Variants in KCNH4 observed in about 807,000 individuals in gnomAD.
KCNH4 encodes potassium voltage-gated channel subfamily H member 4, also known as voltage-gated delayed rectifier potassium channel KCNH4.
KCNH4 carries 33 observed loss-of-function variants against 90.7 expected under a neutral mutation model. The ratio of observed to expected loss-of-function variants is 0.36; its 90% CI spans 0.28 to 0.49. KCNH4 has a LOEUF of 0.49. Among genes scored for constraint, KCNH4 ranks in the 20% least tolerant of loss-of-function variants. The pLI, the probability that KCNH4 is intolerant of heterozygous loss-of-function variation, is 0.98. For synonymous variants in KCNH4, 551 were observed against 581.7 expected (o/e 0.95, Z 0.76); for missense variants, 1,044 against 1,387.1 (o/e 0.75, Z 3.93).
chr17:42,169,518 G>C lies in KCNH4; in HGVS notation c.1549C>G (p.Gln517Glu). The change falls in exon 9 of 17, where the codon CAG becomes GAG. Residue 517 changes from glutamine (Q) to glutamate (E), a missense_variant. Transcript: ENST00000264661. ...CCGCTGTTGACGGCCCACGTGGTCT[G>C]GAAGTATTCGAGCATGCGCTGCTTG... is the stretch of plus-strand genomic sequence containing the variant. ...PLKQRMLEYF[Q>E]TTWAVNSGID... 6.2e-7 allele frequency: 1 copy of C among 1,613,372 alleles called. No homozygotes were observed. The highest frequency in any genetic ancestry group is 8.5e-7 in the Non-Finnish European group (1 of 1,180,022).
chr17:42,173,390 C>T (rs988322189), intron 6 of KCNH4, among the ~76,000 whole-genome samples: 3 of 152,160 alleles, frequency 2.0e-5, no homozygotes, highest in African/African-American at 7.2e-5. Flanking sequence ...AATGCCTACC[C>T]CCAGCTCCCA....
At chr17:42,169,798 G>A in intron 8 of KCNH4, 122 bp from the exon 9 acceptor site, 2 of 974,404 alleles carry the variant, frequency 2.1e-6, no homozygotes, top group Non-Finnish European at 3.1e-6. Context: ...CAGGTGCCAG[G>A]CACTAGACTA....
Position 42,163,625 on chromosome 17 carries a change from G to A in KCNH4, c.2458C>T (p.Pro820Ser). 2 of 1,490,248 alleles carry A rather than the reference G, an allele frequency of 1.3e-6. No individual in the cohort carries two copies. The highest frequency in any genetic ancestry group is 1.8e-6 in the Non-Finnish European group (2 of 1,111,610). 92.3% of individuals were successfully genotyped at this position (1,490,248 alleles called of 1,614,324 possible). The change falls in exon 13 of 17, where the codon CCT becomes TCT. Residue 820 changes from proline to serine, a missense_variant. Pro to Ser is a moderately conservative substitution (Grantham distance 74). This residue lies in a region of KCNH4 where 441 missense variants were observed against 512.3 expected (regional missense o/e 0.86). Coordinates refer to ENST00000264661, the MANE Select transcript of KCNH4 (RefSeq NM_012285.3). The surrounding 1 kb of genome is among the most constrained non-coding windows in gnomAD (Gnocchi z 5.4). ...LLIPPLGTFGPPDLSPRIVDG... is the reference protein window; with the variant it reads ...LLIPPLGTFGSPDLSPRIVDG... Reference sequence around the variant, plus strand: ...TCTCACCGGGGACTGAGGTCCGGAGGTCCAAAGGTTCCCAGTGGGGGAATG... The same window carrying A: ...TCTCACCGGGGACTGAGGTCCGGAGATCCAAAGGTTCCCAGTGGGGGAATG...
chr17:42,162,419 G>C, intron 14 of KCNH4, 98 bp from the exon 15 acceptor site: 1 of 1,016,286 alleles, frequency 9.8e-7, no homozygotes, highest in South Asian at 1.4e-5. Flanking sequence ...GCGGAGAGCA[G>C]GGGGAGACAA....
At chr17:42,179,072 C>G (rs1398289108) in intron 1 of KCNH4, 46 bp from the exon 2 acceptor site, 2 of 1,469,480 alleles carry the variant, frequency 1.4e-6, no homozygotes, top group Non-Finnish European at 9.5e-7. Flanking sequence ...GGGAGGCGAG[C>G]TAGCTTCCAG....
At position 42,178,131 on chromosome 17, in the gene KCNH4, CGGCCAAAGT is replaced by C. The variant is rs778880476; in HGVS notation, c.545_553del (p.His182_Gly184del). On this transcript the variant is annotated inframe_deletion, in exon 4 of 17. Coordinates refer to ENST00000264661, the MANE Select transcript of KCNH4 (RefSeq NM_012285.3). ...GGCCTTCATGCCTCCCTGGCCCCGG[CGGCCAAAGT>C]GGCCGGTCAGTCGGTGTAGGACAGT... is the stretch of plus-strand genomic sequence containing the variant. 8 of 1,614,008 alleles carry C rather than the reference CGGCCAAAGT, an allele frequency of 5.0e-6. No homozygotes were observed. In the African/African-American group the frequency reaches 1.1e-4, roughly 22 times the overall value.
intron 6 of KCNH4, among the ~76,000 whole-genome samples, chr17:42,175,014 C>T (rs2079851927): frequency 6.6e-6 from 1 of 152,202 alleles, no homozygotes; most frequent in Admixed American, 6.5e-5. Context: ...TTTTGCTTCC[C>T]AGGTGCTGGC....
intron 9 of KCNH4, among the ~76,000 whole-genome samples, chr17:42,167,005 C>T (rs2079792997): frequency 6.6e-6 from 1 of 152,176 alleles, no homozygotes; most frequent in Non-Finnish European, 1.5e-5. Context: ...CTTATGGCCA[C>T]ACTGCATGTT....
At chr17:42,179,114 A>G in intron 1 of KCNH4, 88 bp from the exon 2 acceptor site, 1 of 911,672 alleles carries the variant, frequency 1.1e-6, no homozygotes, top group Non-Finnish European at 1.7e-6. Flanking sequence ...TTGGGGTTAG[A>G]AGTCACAGAG....
chr17:42,157,681 C>T (rs2079718587), intron 16 of KCNH4, among the ~76,000 whole-genome samples: 1 of 150,764 alleles, frequency 6.6e-6, no homozygotes, highest in Non-Finnish European at 1.5e-5. Flanking sequence ...GATCACTGCT[C>T]ACTGCAGCCT....
intron 2 of KCNH4, 42 bp from the exon 3 acceptor site, chr17:42,178,519 C>A (rs1333057569): frequency 1.2e-6 from 2 of 1,607,240 alleles, no homozygotes; most frequent in East Asian, 2.2e-5. Context: ...ATGGGCAGCC[C>A]CATGGCATGC....
chr17:42,163,955 G>A lies in KCNH4; in HGVS notation c.2128C>T (p.Arg710Cys), dbSNP rs1239358145. Reference sequence around the variant, plus strand: ...GAGGAGGAGCCGAGGCTTTCTGAGCGGGGCTGCGGGCAGAGGGGGCAGCTG... The same window carrying A: ...GAGGAGGAGCCGAGGCTTTCTGAGCAGGGCTGCGGGCAGAGGGGGCAGCTG... ...FSRSPRLSQPRSESLGSSSDK... is the reference protein window; with the variant it reads ...FSRSPRLSQPCSESLGSSSDK... Residue 710 changes from arginine to cysteine, a missense_variant, in exon 13 of 17, where the codon CGC becomes TGC. Arg to Cys is a radical substitution (Grantham distance 180). Coordinates refer to ENST00000264661, the MANE Select transcript of KCNH4 (RefSeq NM_012285.3). This position sits in a 1 kb window ranked among gnomAD's most constrained non-coding sequence, Gnocchi z 5.4. 33 of 1,535,564 alleles carry A rather than the reference G, an allele frequency of 2.1e-5. No individual in the cohort carries two copies. In the Admixed American group the frequency reaches 2.7e-4, roughly 12 times the overall value.
chr17:42,175,556 A>G, intron 6 of KCNH4, 23 bp downstream of exon 6: 1 of 1,613,960 alleles, frequency 6.2e-7, no homozygotes, highest in Non-Finnish European at 8.5e-7. Context: ...GTTGGACTGG[A>G]TGGCGGGATG....
Position 42,180,812 on chromosome 17 carries a change from C to T in KCNH4, c.76+58G>A. ...ACCATGTCCAGGAGATCCGAGACGG[C>T]CCCGAGGATACTTGCCCCCCAGCTC... On this transcript the variant is annotated intron_variant, in intron 1 of 16. Transcript: ENST00000264661. This position sits in a 1 kb window ranked among gnomAD's most constrained non-coding sequence, Gnocchi z 4.7. The T allele has an allele frequency of 6.5e-7, 1 of 1,534,194 alleles. No individual in the cohort carries two copies. The highest frequency in any genetic ancestry group is 2.3e-5 in the East Asian group (1 of 44,298).
chr17:42,157,997 C>T (rs916862507), intron 16 of KCNH4, among the ~76,000 whole-genome samples: 5 of 152,008 alleles, frequency 3.3e-5, no homozygotes, highest in Admixed American at 6.5e-5. Flanking sequence ...GGCACGATCT[C>T]GGCTCACTGC....
At chr17:42,160,559 G>A in intron 15 of KCNH4, 124 bp from the exon 16 acceptor site, 1 of 994,222 alleles carries the variant, frequency 1.0e-6, no homozygotes, top group South Asian at 1.8e-5. Context: ...GAAAAAGGCA[G>A]GATGAGGGTT....
chr17:42,165,796 A>AT, intron 10 of KCNH4, 103 bp from the exon 11 acceptor site: 1 of 1,410,874 alleles, frequency 7.1e-7, no homozygotes, highest in Non-Finnish European at 9.9e-7. Context: ...TGTTTGAAGG[A>AT]TGGTTGAAGG....
chr17:42,174,347 C>T (rs970340291), intron 6 of KCNH4, among the ~76,000 whole-genome samples: 1 of 152,146 alleles, frequency 6.6e-6, no homozygotes, highest in Non-Finnish European at 1.5e-5. Flanking sequence ...GGAACTGTAA[C>T]GTGCTCCCAA....
Position 42,165,700 on chromosome 17 carries a change from G to T in KCNH4, c.1841-7C>A. The T allele has an allele frequency of 1.2e-6, 2 of 1,614,092 alleles. No homozygotes were observed. The highest frequency in any genetic ancestry group is 2.2e-5 in the South Asian group (2 of 91,072). ...CCAATCAGGTCCCCCTTCCCTGTAG[G>T]TAAGGGATGGGGACAGTCAGCTGGG... On this transcript the variant is annotated splice_region_variant and splice_polypyrimidine_tract_variant and intron_variant, in intron 10 of 16. Coordinates refer to ENST00000264661, the MANE Select transcript of KCNH4 (RefSeq NM_012285.3).
Sources: gnomAD v4.1 joint callset for allele counts (sites outside exome capture counted in the v4.1 genomes callset) on GRCh38, gnomAD v4.1.1 for gene constraint, gnomAD v4.1.1 regional missense constraint, Gnocchi (gnomAD v3.1) non-coding constraint, MANE v1.5 for transcripts, NCBI Gene and HGNC (gene_info 2026-07-23, HGNC 2026-07-21) for gene names.